The following SORCS1 variants were observed in gnomAD, a reference collection of about 807,000 sequenced individuals.
SORCS1 encodes the protein VPS10 domain-containing receptor SorCS1.
SORCS1 carries 60 observed loss-of-function variants against 146.1 expected under a neutral mutation model. The observed-to-expected ratio is 0.41, with a 90% CI of 0.33 to 0.51. SORCS1 has a LOEUF of 0.51. SORCS1 is among the 20% of genes least tolerant of loss of function. The pLI, the probability that SORCS1 is intolerant of heterozygous loss-of-function variation, is 0.21. For missense variants in SORCS1, 1,352 were observed against 1,487.6 expected (o/e 0.91, Z 1.50); for synonymous variants, 637 against 584.0 (o/e 1.09, Z -1.31).
intron 1 of SORCS1, among the ~76,000 whole-genome samples, chr10:107,097,938 C>A (rs774516840): frequency 6.6e-6 from 1 of 152,090 alleles, no homozygotes. Flanking sequence ...CAATGTAATA[C>A]AGGAAAAAAA....
intron 18 of SORCS1, among the ~76,000 whole-genome samples, chr10:106,645,980 T>G (rs1021942747): frequency 2.6e-5 from 4 of 152,256 alleles, no homozygotes; most frequent in Non-Finnish European, 4.4e-5. Flanking sequence ...TTAGTATAAT[T>G]AGGCTGGGCG....
intron 9 of SORCS1, among the ~76,000 whole-genome samples, chr10:106,696,006 TA>T (rs1853674449): frequency 1.3e-5 from 2 of 152,216 alleles, no homozygotes; most frequent in Non-Finnish European, 2.9e-5. Context: ...CTGCATTTTT[TA>T]GAAAGACCCG....
At chr10:106,598,373 T>C (rs971598361) in intron 23 of SORCS1, among the ~76,000 whole-genome samples, 2 of 151,832 alleles carry the variant, frequency 1.3e-5, no homozygotes, top group Non-Finnish European at 2.9e-5. Context: ...GCGATTCTCC[T>C]GCCTCAGCCT....
At chr10:107,003,947 G>A (rs1346954481) in intron 1 of SORCS1, among the ~76,000 whole-genome samples, 9 of 152,068 alleles carry the variant, frequency 5.9e-5, no homozygotes, top group Non-Finnish European at 1.2e-4. Context: ...AGGCCGAGGA[G>A]GGTGGATCAC....
chr10:107,031,789 T>G (rs1958670046), intron 1 of SORCS1, among the ~76,000 whole-genome samples: 3 of 152,130 alleles, frequency 2.0e-5, no homozygotes, highest in South Asian at 4.1e-4. Context: ...ACATCCTCTC[T>G]GAGCTTACCT....
chr10:106,649,722 C>T (rs2133749910), intron 18 of SORCS1, among the ~76,000 whole-genome samples: 1 of 152,292 alleles, frequency 6.6e-6, no homozygotes, highest in Non-Finnish European at 1.5e-5. Context: ...CTCTCCTCTC[C>T]TTCTGAGGCT....
At chr10:107,006,800 G>A (rs1957463169) in intron 1 of SORCS1, among the ~76,000 whole-genome samples, 1 of 152,192 alleles carries the variant, frequency 6.6e-6, no homozygotes, top group Non-Finnish European at 1.5e-5. Context: ...CTGGGTGACA[G>A]AGCGAGACTC....
intron 1 of SORCS1, among the ~76,000 whole-genome samples, chr10:107,049,928 T>C (rs1564972724): frequency 6.6e-6 from 1 of 152,220 alleles, no homozygotes; most frequent in Admixed American, 6.5e-5. Context: ...GAATAATTAT[T>C]AAACGAAACG....
chr10:106,914,730 T>C lies in SORCS1; in HGVS notation c.626+41783A>G, dbSNP rs560765925. On this transcript the variant is annotated intron_variant, in intron 2 of 25. Coordinates refer to ENST00000263054, the MANE Select transcript of SORCS1 (RefSeq NM_052918.5). Reference sequence around the variant, plus strand: ...AATTAGCTCATTAGCCAGCACAATATTAATCAGTTACCTCAGGACTTATAC... The same window carrying C: ...AATTAGCTCATTAGCCAGCACAATACTAATCAGTTACCTCAGGACTTATAC... Among the ~76,000 whole-genome samples the C allele has an allele frequency of 5.3e-5, 8 of 152,344 alleles. No individual in the cohort carries two copies. The East Asian group carries it at 1.5e-3, about 29-fold the overall frequency.
intron 1 of SORCS1, among the ~76,000 whole-genome samples, chr10:107,115,947 T>C (rs1401498003): frequency 6.6e-6 from 1 of 152,048 alleles, no homozygotes; most frequent in Admixed American, 6.5e-5. Flanking sequence ...AGGGCCTAAG[T>C]AGACATTTTT....
At chr10:107,153,793 AT>A (rs1278199450) in intron 1 of SORCS1, among the ~76,000 whole-genome samples, 1 of 152,196 alleles carries the variant, frequency 6.6e-6, no homozygotes, top group Non-Finnish European at 1.5e-5. Context: ...ACTTTTAAAA[AT>A]AACTCAAGCA....
intron 3 of SORCS1, among the ~76,000 whole-genome samples, chr10:106,784,258 G>T (rs967058966): frequency 5.3e-5 from 8 of 152,236 alleles, no homozygotes; most frequent in Non-Finnish European, 8.8e-5. Context: ...AGCTGGGCGT[G>T]GTGGTGGGTG....
chr10:107,032,320 G>A (rs1958693776), intron 1 of SORCS1, among the ~76,000 whole-genome samples: 1 of 152,194 alleles, frequency 6.6e-6, no homozygotes, highest in Admixed American at 6.5e-5. Context: ...TGGATCAAAA[G>A]CCTTGAGGGC....
At chr10:106,822,474 T>C (rs550331944) in intron 3 of SORCS1, among the ~76,000 whole-genome samples, 1 of 152,294 alleles carries the variant, frequency 6.6e-6, no homozygotes, top group African/African-American at 2.4e-5. Flanking sequence ...TCTGCACTTA[T>C]TATTCTGTAG....
At chr10:106,759,118 G>C (rs1589817385) in intron 5 of SORCS1, among the ~76,000 whole-genome samples, 1 of 152,170 alleles carries the variant, frequency 6.6e-6, no homozygotes, top group Non-Finnish European at 1.5e-5. Flanking sequence ...AAATGAGAAA[G>C]ATAAAAATGC....
rs914518198 is a variant in SORCS1, at chr10:106,612,019, T to C, written c.2925A>G (p.Glu975=). The C allele has an allele frequency of 1.4e-5, 22 of 1,613,094 alleles. No homozygotes were observed. The highest frequency in any genetic ancestry group is 1.8e-5 in the Non-Finnish European group (21 of 1,179,192). ...AAAAGGACAAGCGAAGAGACCGGAATTCCTCTGGGGATATAACAGTAGATG... is the reference window on the plus strand; with the variant it reads ...AAAAGGACAAGCGAAGAGACCGGAACTCCTCTGGGGATATAACAGTAGATG... ...QDTKTIAVYE[E]FRSLRLSFSP... The change falls in exon 22 of 26, where the codon GAA becomes GAG. Residue 975 remains glutamate, a synonymous_variant. Coordinates refer to ENST00000263054, the MANE Select transcript of SORCS1 (RefSeq NM_052918.5).
chr10:106,796,963 C>T (rs1027637867), intron 3 of SORCS1, among the ~76,000 whole-genome samples: 3 of 152,166 alleles, frequency 2.0e-5, no homozygotes, highest in Non-Finnish European at 1.5e-5. Context: ...AAAAGTTAGC[C>T]GGGCGTGGTG....
intron 2 of SORCS1, among the ~76,000 whole-genome samples, chr10:106,863,469 A>G (rs2005349): frequency 0.47 from 70,298 of 150,808 alleles, 16,651 homozygotes; most frequent in African/African-American, 0.55. Flanking sequence ...AGGTTGCAGT[A>G]AGCTGAGATC....
intron 1 of SORCS1, among the ~76,000 whole-genome samples, chr10:107,034,143 A>C (rs1958787554): frequency 6.6e-6 from 1 of 152,206 alleles, no homozygotes; most frequent in Non-Finnish European, 1.5e-5. Flanking sequence ...CTTATTTGTC[A>C]CATCTGGAAG....
Sources: gnomAD v4.1 joint callset for allele counts (sites outside exome capture counted in the v4.1 genomes callset) on GRCh38, gnomAD v4.1.1 for gene constraint, MANE v1.5 for transcripts, NCBI Gene and HGNC (gene_info 2026-07-23, HGNC 2026-07-21) for gene names.